The following VAMP4 variants were observed in gnomAD, a reference collection of about 807,000 sequenced individuals.
The protein encoded by VAMP4 is vesicle associated membrane protein 4.
Under a neutral mutation model 23.5 loss-of-function variants are expected in VAMP4, and 19 were observed. The ratio of observed to expected loss-of-function variants is 0.81; its 90% CI spans 0.56 to 1.19. The LOEUF (loss-of-function observed/expected upper bound fraction) is 1.19. Ranked by LOEUF, VAMP4 falls within the 50% of genes most tolerant of loss-of-function variation. VAMP4 has a pLI of 0.00. For missense variants in VAMP4, 145 were observed against 168.6 expected, an observed-to-expected ratio of 0.86 and a Z score of 0.78; for synonymous variants, 31 against 51.0, an observed-to-expected ratio of 0.61 and a Z score of 1.67.
At chr1:171,729,369 G>A (rs185654877) in intron 2 of VAMP4, among the ~76,000 whole-genome samples, 1 of 152,284 alleles carries the variant, frequency 6.6e-6, no homozygotes, top group Non-Finnish European at 1.5e-5. Context: ...AATTCATTAT[G>A]CTTCATAAAG....
chr1:171,711,163 C>T (rs893065817), intron 4 of VAMP4, among the ~76,000 whole-genome samples: 1 of 152,056 alleles, frequency 6.6e-6, no homozygotes, highest in Non-Finnish European at 1.5e-5. Context: ...TTTCAACAGG[C>T]TATTGAGGCA....
intron 4 of VAMP4, among the ~76,000 whole-genome samples, chr1:171,717,659 G>A (rs984921156): frequency 5.9e-5 from 9 of 151,766 alleles, no homozygotes; most frequent in Non-Finnish European, 1.0e-4. Context: ...TGTTGCTCAG[G>A]CTGGTCTCAA....
intron 5 of VAMP4, 132 bp downstream of exon 5, chr1:171,710,582 C>T: frequency 1.7e-6 from 1 of 593,744 alleles, no homozygotes; most frequent in Middle Eastern, 3.2e-4. Flanking sequence ...TAAAATTAAA[C>T]CATTAAAATC....
chr1:171,705,364 G>A (rs1654616409), intron 7 of VAMP4, among the ~76,000 whole-genome samples: 1 of 152,020 alleles, frequency 6.6e-6, no homozygotes. Flanking sequence ...CCACGTGTGG[G>A]GACCATTTTA....
rs1654504837 is a variant in VAMP4 at position 171,703,149 on chromosome 1, G to T, written c.*1357C>A. ...CTATTAACCCTATTTTTAATTTAGG[G>T]AGTTTTATATTCATATTGTCAAGAT... is the stretch of plus-strand genomic sequence containing the variant. On this transcript the variant is annotated 3_prime_UTR_variant, in exon 8 of 8. Transcript: ENST00000236192. 1 of 150,996 alleles carries T rather than the reference G, an allele frequency of 6.6e-6. No individual in the cohort carries two copies. Among genetic ancestry groups the T allele is most frequent in the Non-Finnish European group, 1.5e-5 (1 of 67,608 alleles). 9.4% of individuals were successfully genotyped at this position (150,996 alleles called of 1,614,324 possible).
intron 2 of VAMP4, among the ~76,000 whole-genome samples, chr1:171,733,286 C>T (rs1012751581): frequency 8.5e-6 from 1 of 117,244 alleles, no homozygotes; most frequent in African/African-American, 3.4e-5. Context: ...GGTGAAACCC[C>T]ATCTCTACAA....
In VAMP4 at chr1:171,728,525, G is replaced by GA; in HGVS notation, c.111dup (p.Leu38SerfsTer12). The GA allele has an allele frequency of 2.6e-6, 4 of 1,536,298 alleles. No homozygotes were observed. Among genetic ancestry groups the GA allele is most frequent in the Non-Finnish European group, 3.5e-6 (4 of 1,143,140 alleles). ...ATAAAGCTGTAAAAAAAAACTTACA[G>GA]AAAAAAGTCCTCTTCTTCATCTGAA... On this transcript the variant is annotated frameshift_variant and splice_region_variant, in exon 3 of 8. Coordinates refer to ENST00000236192, the MANE Select transcript of VAMP4 (RefSeq NM_003762.5). LOFTEE classifies it high-confidence loss of function.
In VAMP4 at chr1:171,738,339, C is replaced by A. The variant is rs2124872638; in HGVS notation, c.66+10G>T. 1 of 1,612,926 alleles carries A rather than the reference C, an allele frequency of 6.2e-7. No homozygotes were observed. Among genetic ancestry groups the A allele is most frequent in the Middle Eastern group, 1.7e-4 (1 of 6,052 alleles). On this transcript the variant is annotated intron_variant, in intron 2 of 7. Transcript: ENST00000236192. Reference sequence around the variant, plus strand: ...TCTTTTGTTTTTAAAGCTTAAGATTCCGAACTTACCCTTTCACTTTTCACA... The same window carrying A: ...TCTTTTGTTTTTAAAGCTTAAGATTACGAACTTACCCTTTCACTTTTCACA...
intron 6 of VAMP4, among the ~76,000 whole-genome samples, chr1:171,708,226 G>T (rs1039219579): frequency 2.6e-5 from 4 of 151,176 alleles, no homozygotes; most frequent in African/African-American, 4.9e-5. Flanking sequence ...TTGAACCTGG[G>T]CTACTTAGGA....
intron 2 of VAMP4, among the ~76,000 whole-genome samples, chr1:171,730,022 G>A (rs1572252879): frequency 6.6e-6 from 1 of 152,142 alleles, no homozygotes; most frequent in East Asian, 1.9e-4. Flanking sequence ...ACAGGAAGGG[G>A]TATGAGCCTA....
At chr1:171,711,760 G>A (rs537964288) in intron 4 of VAMP4, among the ~76,000 whole-genome samples, 53 of 152,190 alleles carry the variant, frequency 3.5e-4, no homozygotes, top group Middle Eastern at 6.8e-3. Context: ...GCAAATCCAT[G>A]GTCCTCATAC....
At chr1:171,737,990 T>A (rs1655796323) in intron 2 of VAMP4, among the ~76,000 whole-genome samples, 2 of 152,198 alleles carry the variant, frequency 1.3e-5, no homozygotes, top group Non-Finnish European at 2.9e-5. Context: ...GTTAATTAAT[T>A]TTTGAGACAG....
chr1:171,704,752 T>C (rs1364379198), intron 7 of VAMP4, among the ~76,000 whole-genome samples: 1 of 152,008 alleles, frequency 6.6e-6, no homozygotes, highest in Admixed American at 6.6e-5. Flanking sequence ...AAATAAATAA[T>C]GGCATAGCCA....
intron 3 of VAMP4, among the ~76,000 whole-genome samples, chr1:171,726,275 C>A (rs1655367209): frequency 6.6e-6 from 1 of 152,062 alleles, no homozygotes; most frequent in African/African-American, 2.4e-5. Flanking sequence ...TGGTCTTGAA[C>A]TCCTGACCTT....
chr1:171,738,233 G>A, intron 2 of VAMP4, 116 bp downstream of exon 2: 2 of 1,086,066 alleles, frequency 1.8e-6, no homozygotes, highest in South Asian at 3.1e-5. Flanking sequence ...CGTCCCAAGT[G>A]CGGCGATTGC....
chr1:171,732,360 GAAAAAAAAAAAA>G (rs532876540), intron 2 of VAMP4, among the ~76,000 whole-genome samples: 1 of 123,548 alleles, frequency 8.1e-6, no homozygotes, highest in Non-Finnish European at 1.7e-5. Context: ...GTCTCTATGG[GAAAAAAAAAAAA>G]AAAAAAAAAA....
At chr1:171,722,960 C>T (rs879262972) in intron 3 of VAMP4, among the ~76,000 whole-genome samples, 1 of 152,074 alleles carries the variant, frequency 6.6e-6, no homozygotes, top group Non-Finnish European at 1.5e-5. Context: ...CAACATAGGA[C>T]CTTTTCTATT....
chr1:171,706,958 G>T (rs1209051059), intron 6 of VAMP4, among the ~76,000 whole-genome samples: 1 of 152,068 alleles, frequency 6.6e-6, no homozygotes, highest in African/African-American at 2.4e-5. Context: ...ACATTAATTT[G>T]CCCTGTTAAA....
At chr1:171,729,827 T>C (rs1655502367) in intron 2 of VAMP4, among the ~76,000 whole-genome samples, 1 of 152,158 alleles carries the variant, frequency 6.6e-6, no homozygotes, top group Admixed American at 6.5e-5. Flanking sequence ...ACCTGGCTAA[T>C]ACAGTCACCA....
Sources: allele counts gnomAD v4.1 joint callset (sites outside exome capture counted in the v4.1 genomes callset), GRCh38; gene constraint gnomAD v4.1.1; transcripts MANE v1.5; gene names NCBI Gene and HGNC (gene_info 2026-07-23, HGNC 2026-07-21).